PGM3: variants seen among roughly 807,000 people sequenced by gnomAD.
The protein encoded by PGM3 is phosphoacetylglucosamine mutase.
In PGM3, 40 loss-of-function variants were observed where a neutral mutation model predicts 66.2. The observed-to-expected ratio is 0.60, with a 90% confidence interval of 0.47 to 0.79. The LOEUF (loss-of-function observed/expected upper bound fraction) is 0.79. Ranked by LOEUF, PGM3 falls within the 30% of genes least tolerant of loss-of-function variation. PGM3 has a pLI of 0.00. For missense variants in PGM3, 537 were observed against 643.4 expected (o/e 0.83, Z 1.79); for synonymous variants, 191 against 224.2 (o/e 0.85, Z 1.32).
chr6:83,162,682 A>C, downstream of PGM3: 1 of 1,297,278 alleles, frequency 7.7e-7, no homozygotes, highest in Admixed American at 2.5e-5. Flanking sequence ...CTGGCATTTG[A>C]ATTTTTATAA....
chr6:83,191,255 C>T, intron 1 of PGM3: 1 of 1,534,900 alleles, frequency 6.5e-7, no homozygotes, highest in Non-Finnish European at 8.7e-7. Flanking sequence ...AGATTGTCCC[C>T]ACTCTCCTCC....
In PGM3 at chr6:83,167,481, C is replaced by T. The variant is rs536643694; in HGVS notation, c.*1753G>A. On this transcript the variant is annotated 3_prime_UTR_variant, in exon 13 of 13. Coordinates refer to ENST00000513973, the MANE Select transcript of PGM3 (RefSeq NM_015599.3). ...GTATAAAGCACTTTGTTCCTTTTTT[C>T]TGTAGTAATTTTGTGACCTAGTCCT... is the stretch of plus-strand genomic sequence containing the variant. The T allele has an allele frequency of 6.3e-3, 6,237 of 995,732 alleles. 25 individuals are homozygous for T. Among genetic ancestry groups the T allele is most frequent in the Middle Eastern group, 0.015 (29 of 1,960 alleles). 61.7% of individuals were successfully genotyped at this position (995,732 alleles called of 1,614,324 possible).
At chr6:83,183,614 C>G (rs1481291563) in intron 4 of PGM3, among the ~76,000 whole-genome samples, 1 of 152,156 alleles carries the variant, frequency 6.6e-6, no homozygotes. Flanking sequence ...TATCTTAACA[C>G]TGAGCAGGGA....
chr6:83,171,859 T>C, intron 11 of PGM3, 78 bp downstream of exon 11: 1 of 1,082,994 alleles, frequency 9.2e-7, no homozygotes, highest in South Asian at 1.4e-5. Flanking sequence ...CATATGTCAG[T>C]GAGATATAAT....
At position 83,165,713 on chromosome 6, in the gene PGM3, T is replaced by C. The variant is rs997804337; in HGVS notation, c.*3521A>G. 4.4e-6 allele frequency: 1 copy of C among 227,818 alleles called. No individual in the cohort carries two copies. The highest frequency in any genetic ancestry group is 9.3e-6 in the Non-Finnish European group (1 of 107,250). 14.1% of individuals were successfully genotyped at this position (227,818 alleles called of 1,614,324 possible). On this transcript the variant is annotated 3_prime_UTR_variant, in exon 13 of 13. Coordinates refer to ENST00000513973, the MANE Select transcript of PGM3 (RefSeq NM_015599.3). ...TTGTTGGCAAGAGGTCAGGTGAATA[T>C]GGCAGATGAGGCAAAACTTCATAGC...
downstream of PGM3, among the ~76,000 whole-genome samples, chr6:83,156,875 GGTCC>G (rs1782922058): frequency 6.6e-6 from 1 of 151,550 alleles, no homozygotes; most frequent in Admixed American, 6.5e-5. Context: ...CTCAAAGTAT[GGTCC>G]ATGGACCAGT....
chr6:83,190,071 A>G (rs572063440), intron 2 of PGM3, among the ~76,000 whole-genome samples: 32 of 152,070 alleles, frequency 2.1e-4, no homozygotes, highest in Admixed American at 1.2e-3. Flanking sequence ...CGTGGTGACT[A>G]TAGTTCATAA....
chr6:83,171,951 G>T lies in PGM3; in HGVS notation c.1351C>A (p.Gln451Lys). The change falls in exon 11 of 13, where the codon CAA becomes AAA. Residue 451 changes from glutamine to lysine, a missense_variant. Physicochemically the swap from Gln to Lys is moderately conservative, Grantham distance 53 (BLOSUM62 1). Coordinates refer to ENST00000513973, the MANE Select transcript of PGM3 (RefSeq NM_015599.3). ...DALYTDLPNR[Q>K]LKVQVADRRV... The stretch of plus-strand genomic sequence containing the variant: ...TTCTCTCACACCTGAACTTTAAGTT[G>T]TCTGTTTGGAAGATCTGTATAGAGA... The T allele has an allele frequency of 1.2e-6, 2 of 1,612,936 alleles. No individual in the cohort carries two copies. Among genetic ancestry groups the T allele is most frequent in the Non-Finnish European group, 1.7e-6 (2 of 1,179,096 alleles).
chr6:83,181,682 G>T, intron 6 of PGM3, 54 bp downstream of exon 6: 1 of 1,205,990 alleles, frequency 8.3e-7, no homozygotes, highest in Non-Finnish European at 1.2e-6. Context: ...TTATAAGTGA[G>T]ATTGGCTTCA....
At chr6:83,172,143 C>T (rs1275758584) in intron 10 of PGM3, 84 bp from the exon 11 acceptor site, 2 of 1,396,582 alleles carry the variant, frequency 1.4e-6, no homozygotes, top group African/African-American at 2.8e-5. Flanking sequence ...AAACCAATCA[C>T]AGTACAGGTT....
chr6:83,192,822 C>T (rs188913116), intron 1 of PGM3, among the ~76,000 whole-genome samples: 2 of 152,164 alleles, frequency 1.3e-5, no homozygotes, highest in African/African-American at 4.8e-5. Flanking sequence ...CCAGCGTCCA[C>T]GCAAAAAGTT....
In PGM3 at chr6:83,166,552, C is replaced by A. The variant is rs1554254945; in HGVS notation, c.*2682G>T. 1.8e-5 allele frequency: 11 copies of A among 604,628 alleles called. No individual in the cohort carries two copies. Among genetic ancestry groups the A allele is most frequent in the Middle Eastern group, 2.6e-4 (1 of 3,898 alleles). 37.5% of individuals were successfully genotyped at this position (604,628 alleles called of 1,614,324 possible). The stretch of plus-strand genomic sequence containing the variant: ...AAAATAAATATAAACAGCAATAAGT[C>A]ATTAGCAAAAAAAAAGTGAGAAATA... On this transcript the variant is annotated 3_prime_UTR_variant, in exon 13 of 13. Coordinates refer to ENST00000513973, the MANE Select transcript of PGM3 (RefSeq NM_015599.3).
chr6:83,190,739 A>T (rs1788979685), intron 2 of PGM3, 70 bp downstream of exon 2: 1 of 1,195,434 alleles, frequency 8.4e-7, no homozygotes. Context: ...ACTTTAGGTC[A>T]ATTTGCTCAG....
rs1364848639 is a variant in PGM3, at chr6:83,174,189, A to G, written c.1242+185T>C. On this transcript the variant is annotated intron_variant, in intron 10 of 12. Transcript: ENST00000513973. The stretch of plus-strand genomic sequence containing the variant: ...CCATCATAAGAGGTAGGGGAAGGGA[A>G]GCATATTAAAAAATGTTCTGTCATT... Among the ~76,000 whole-genome samples, 10 of 152,296 alleles carry G rather than the reference A, an allele frequency of 6.6e-5. No individual in the cohort carries two copies. The East Asian group carries it at 1.9e-3, about 29-fold the overall frequency.
At position 83,178,760 on chromosome 6, in the gene PGM3, G is replaced by A. The variant is rs2128493797; in HGVS notation, c.946-4C>T. On this transcript the variant is annotated splice_polypyrimidine_tract_variant and splice_region_variant and intron_variant, in intron 7 of 12. Coordinates refer to ENST00000513973, the MANE Select transcript of PGM3 (RefSeq NM_015599.3). Reference sequence around the variant, plus strand: ...CAATATTCAAACTTTCTCCAATCTAGACAAAAACAATGATACTTAACTTGC... The same window carrying A: ...CAATATTCAAACTTTCTCCAATCTAAACAAAAACAATGATACTTAACTTGC... 6.6e-7 allele frequency: 1 copy of A among 1,518,308 alleles called. No homozygotes were observed. The allele number at this position is 1,518,308 out of a possible 1,614,324, so 94.1% of individuals were successfully genotyped here. A position where few individuals can be genotyped will look rare whatever the true frequency, so the allele number is the denominator to read the frequency against.
intron 10 of PGM3, among the ~76,000 whole-genome samples, chr6:83,172,606 C>T (rs901613201): frequency 6.6e-6 from 1 of 152,026 alleles, no homozygotes; most frequent in Non-Finnish European, 1.5e-5. Context: ...TTGCAGTGAG[C>T]CAAGATTGCG....
At chr6:83,164,697 G>C, downstream of PGM3, 1 of 1,590,674 alleles carries the variant, frequency 6.3e-7, no homozygotes, top group African/African-American at 1.3e-5. Flanking sequence ...ATTTTGGAGG[G>C]ATTGGAGATG....
chr6:83,167,088 G>A lies in PGM3; in HGVS notation c.*2146C>T, dbSNP rs1583226694. ...TAGCCTCTTAATACCCAAATTATTA[G>A]TCTTTATATTTAGTTGACAGAGTTT... On this transcript the variant is annotated 3_prime_UTR_variant, in exon 13 of 13. Coordinates refer to ENST00000513973, the MANE Select transcript of PGM3 (RefSeq NM_015599.3). 1.0e-6 allele frequency: 1 copy of A among 983,438 alleles called. No individual in the cohort carries two copies. The highest frequency in any genetic ancestry group is 1.2e-6 in the Non-Finnish European group (1 of 828,280). The allele number at this position is 983,438 out of a possible 1,614,324, so 60.9% of individuals were successfully genotyped here. A position where few individuals can be genotyped will look rare whatever the true frequency, so the allele number is the denominator to read the frequency against.
chr6:83,159,632 T>A, downstream of PGM3: 1 of 781,150 alleles, frequency 1.3e-6, no homozygotes, highest in South Asian at 1.8e-5. Context: ...AAGTGAATTT[T>A]TGATTTGAAA....
Sources: allele counts gnomAD v4.1 joint callset (sites outside exome capture counted in the v4.1 genomes callset), GRCh38; gene constraint gnomAD v4.1.1; transcripts MANE v1.5; gene names NCBI Gene and HGNC (gene_info 2026-07-23, HGNC 2026-07-21).